The following XIRP2 variants were observed in gnomAD, a reference collection of about 807,000 sequenced individuals.
XIRP2 encodes the protein xin actin binding repeat containing 2, also known as xin actin-binding repeat-containing protein 2.
A neutral mutation model predicts 277.0 loss-of-function variants in XIRP2; 236 were observed. That is an observed-to-expected ratio of 0.85 (90% confidence interval 0.77 to 0.95). The LOEUF is 0.95. Among genes scored for constraint, XIRP2 ranks in the 40% least tolerant of loss-of-function variants. XIRP2 has a pLI of 0.00. For missense variants in XIRP2, 4,640 were observed against 4,157.5 expected (o/e 1.12, Z -3.19); for synonymous variants, 1,490 against 1,416.5 (o/e 1.05, Z -1.17).
At chr2:167,148,029 G>C (rs796630939) in intron 3 of XIRP2, among the ~76,000 whole-genome samples, 9 of 152,126 alleles carry the variant, frequency 5.9e-5, no homozygotes, top group African/African-American at 2.2e-4. Context: ...AATACAAATA[G>C]AGTGATAAAT....
At chr2:167,023,474 T>C (rs1295117785) in intron 2 of XIRP2, among the ~76,000 whole-genome samples, 1 of 151,998 alleles carries the variant, frequency 6.6e-6, no homozygotes, top group Non-Finnish European at 1.5e-5. Context: ...ATCCCATTTG[T>C]CAATTTTGTC....
chr2:167,090,260 A>G (rs1690101695), intron 2 of XIRP2, among the ~76,000 whole-genome samples: 1 of 152,136 alleles, frequency 6.6e-6, no homozygotes, highest in Admixed American at 6.5e-5. Context: ...CAAAGATTTT[A>G]GGGTACTTTA....
intron 2 of XIRP2, among the ~76,000 whole-genome samples, chr2:166,980,541 C>T (rs900478432): frequency 7.2e-5 from 11 of 152,060 alleles, no homozygotes; most frequent in African/African-American, 9.7e-5. Context: ...TTCAGCCTCC[C>T]GAGTAGCTGG....
intron 9 of XIRP2, among the ~76,000 whole-genome samples, chr2:167,253,309 A>G (rs970706890): frequency 1.3e-5 from 2 of 151,892 alleles, no homozygotes; most frequent in South Asian, 4.1e-4. Context: ...GGAAGTGAGC[A>G]TAGGTGCTTT....
chr2:167,166,762 G>T (rs925652643), intron 3 of XIRP2, among the ~76,000 whole-genome samples: 1 of 152,128 alleles, frequency 6.6e-6, no homozygotes, highest in African/African-American at 2.4e-5. Flanking sequence ...TGAGGGATCT[G>T]CCCCGATGAT....
intron 3 of XIRP2, among the ~76,000 whole-genome samples, chr2:167,185,204 G>C (rs1021550447): frequency 6.6e-6 from 1 of 152,030 alleles, no homozygotes; most frequent in Non-Finnish European, 1.5e-5. Context: ...ATTTTTGCTT[G>C]AACTTAGGTC....
chr2:166,904,714 C>T (rs1684471752), intron 2 of XIRP2, among the ~76,000 whole-genome samples: 1 of 152,010 alleles, frequency 6.6e-6, no homozygotes, highest in Non-Finnish European at 1.5e-5. Flanking sequence ...TTGAATTTTG[C>T]AAAGAATTAA....
chr2:167,222,001 G>A (rs79289617), intron 5 of XIRP2, among the ~76,000 whole-genome samples: 4 of 152,014 alleles, frequency 2.6e-5, no homozygotes, highest in Non-Finnish European at 5.9e-5. Context: ...GATGTTTCAG[G>A]GTAATTAGCT....
chr2:166,904,677 A>G (rs977595112), intron 2 of XIRP2, among the ~76,000 whole-genome samples: 1 of 152,130 alleles, frequency 6.6e-6, no homozygotes, highest in African/African-American at 2.4e-5. Context: ...TTCACTCATT[A>G]GGGCCTGTAC....
In XIRP2 at chr2:167,250,760, T is replaced by G; in HGVS notation, c.9368T>G (p.Phe3123Cys). ...AAAACACGCCCACCGTCACCAACTT[T>G]TATCACAATAGAATCTACTGCCCGA... Reference protein sequence around the residue: ...SLKTRPPSPTFITIESTARRT... With the variant: ...SLKTRPPSPTCITIESTARRT... The change falls in exon 9 of 11, where the codon TTT becomes TGT. Residue 3123 changes from phenylalanine (F) to cysteine (C), a missense_variant. Coordinates refer to ENST00000409195, the MANE Select transcript of XIRP2 (RefSeq NM_152381.6). 1 of 1,613,452 alleles carries G rather than the reference T, an allele frequency of 6.2e-7. No homozygotes were observed. Among genetic ancestry groups the G allele is most frequent in the Non-Finnish European group, 8.5e-7 (1 of 1,179,716 alleles).
chr2:167,113,748 G>A (rs898959509), intron 2 of XIRP2, among the ~76,000 whole-genome samples: 5 of 152,112 alleles, frequency 3.3e-5, no homozygotes, highest in African/African-American at 4.8e-5. Context: ...ATGTGTGTAC[G>A]TAAGTGTGTT....
chr2:166,905,133 T>C (rs551219526), intron 2 of XIRP2, among the ~76,000 whole-genome samples: 1 of 152,172 alleles, frequency 6.6e-6, no homozygotes, highest in East Asian at 1.9e-4. Context: ...CAATCATTTT[T>C]GTTTATACTT....
At chr2:167,119,311 A>G (rs1301941989) in intron 2 of XIRP2, among the ~76,000 whole-genome samples, 1 of 152,238 alleles carries the variant, frequency 6.6e-6, no homozygotes, top group Non-Finnish European at 1.5e-5. Flanking sequence ...GAAGAATTAT[A>G]AAAGTATTTG....
At chr2:166,923,788 T>G (rs930700011) in intron 2 of XIRP2, among the ~76,000 whole-genome samples, 1 of 152,124 alleles carries the variant, frequency 6.6e-6, no homozygotes, top group African/African-American at 2.4e-5. Context: ...TTGAGTAAAG[T>G]GTATCTCCTG....
In XIRP2 at chr2:166,903,886, G is replaced by T; in HGVS notation, c.404G>T (p.Gly135Val). The T allele has an allele frequency of 1.9e-6, 3 of 1,611,808 alleles. 1 individual carries two copies. The South Asian group carries it at 3.3e-5, about 18-fold the overall frequency. Residue 135 changes from glycine to valine, a missense_variant, in exon 2 of 11, where the codon GGA (glycine) becomes GTA (valine). Gly to Val is a moderately radical substitution (Grantham distance 109, BLOSUM62 -3). Transcript: ENST00000409195. ...KSGNKPAEYG[G>V]KEVEIERSLC... ...GGAAACAAACCAGCTGAGTACGGTG[G>T]AAAGGTAAGGAGCCATTGATTGAGA... is the stretch of plus-strand genomic sequence containing the variant.
intron 5 of XIRP2, among the ~76,000 whole-genome samples, chr2:167,219,675 AC>A (rs913201673): frequency 5.9e-5 from 9 of 152,204 alleles, no homozygotes; most frequent in African/African-American, 2.2e-4. Context: ...CAACTTTTGA[AC>A]AAGGGACTCT....
At chr2:166,956,344 C>T (rs1316824175) in intron 2 of XIRP2, among the ~76,000 whole-genome samples, 1 of 151,776 alleles carries the variant, frequency 6.6e-6, no homozygotes, top group African/African-American at 2.4e-5. Context: ...CCTTTGTTAA[C>T]TAAAATTTGA....
chr2:166,891,630 A>G (rs1285408265), intron 1 of XIRP2, among the ~76,000 whole-genome samples: 1 of 152,146 alleles, frequency 6.6e-6, no homozygotes, highest in Non-Finnish European at 1.5e-5. Flanking sequence ...GAAAAGATCA[A>G]TTACTTGCTT....
chr2:167,013,642 T>A (rs1476523147), intron 2 of XIRP2, among the ~76,000 whole-genome samples: 2 of 151,614 alleles, frequency 1.3e-5, no homozygotes, highest in Non-Finnish European at 3.0e-5. Flanking sequence ...AACATTAGAT[T>A]TTCTATTTGT....
Sources: gnomAD v4.1 joint callset for allele counts (sites outside exome capture counted in the v4.1 genomes callset) on GRCh38, gnomAD v4.1.1 for gene constraint, MANE v1.5 for transcripts, NCBI Gene and HGNC (gene_info 2026-07-23, HGNC 2026-07-21) for gene names.